Variants in COL26A1 observed in about 807,000 individuals in gnomAD.
COL26A1 encodes the protein collagen type XXVI alpha 1 chain.
Under a neutral mutation model 59.3 loss-of-function variants are expected in COL26A1, and 41 were observed. The observed-to-expected ratio is 0.69, with a 90% CI of 0.54 to 0.90. The LOEUF (loss-of-function observed/expected upper bound fraction) is 0.90. Ranked by LOEUF, COL26A1 falls within the 40% of genes least tolerant of loss-of-function variation. The pLI is 0.00. For synonymous variants in COL26A1, 266 were observed against 256.0 expected, an observed-to-expected ratio of 1.04 and a Z score of -0.37; for missense variants, 612 against 602.3, an observed-to-expected ratio of 1.02 and a Z score of -0.17.
chr7:101,362,957 G>A lies in COL26A1; in HGVS notation c.-76G>A, dbSNP rs1790929664. 2 of 1,444,320 alleles carry A rather than the reference G, an allele frequency of 1.4e-6. No homozygotes were observed. The highest frequency in any genetic ancestry group is 1.5e-5 in the African/African-American group (1 of 68,084). 89.5% of individuals were successfully genotyped at this position (1,444,320 alleles called of 1,614,324 possible). Reference sequence around the variant, plus strand: ...GCTGTGCTCCCGGCCGGTGCCGCGGGTTCGGTCCGGGCGCCGGTGCGCTCC... The same window carrying A: ...GCTGTGCTCCCGGCCGGTGCCGCGGATTCGGTCCGGGCGCCGGTGCGCTCC... On this transcript the variant is annotated 5_prime_UTR_variant, in exon 1 of 13. Transcript: ENST00000313669.
intron 1 of COL26A1, among the ~76,000 whole-genome samples, chr7:101,366,041 G>A (rs950995120): frequency 6.6e-6 from 1 of 152,206 alleles, no homozygotes; most frequent in African/African-American, 2.4e-5. Context: ...TAAGAACAGG[G>A]AGAGGATATA....
chr7:101,372,515 G>A (rs1791219039), intron 1 of COL26A1, among the ~76,000 whole-genome samples: 1 of 152,286 alleles, frequency 6.6e-6, no homozygotes, highest in East Asian at 1.9e-4. Flanking sequence ...TTAGGGAAAT[G>A]TTCTAGTGGA....
rs561899360 is a variant in COL26A1 at position 101,405,648 on chromosome 7, A to G, written c.159-14329A>G. On this transcript the variant is annotated intron_variant, in intron 1 of 12. Transcript: ENST00000313669. The stretch of plus-strand genomic sequence containing the variant: ...TTCTCACGTGGTCCTCCCTCACATG[A>G]TCCTCCCTAAGTGCCGACCCTATAG... Among the ~76,000 whole-genome samples, 9 of 152,082 alleles carry G rather than the reference A, an allele frequency of 5.9e-5. No homozygotes were observed. The South Asian group carries it at 1.9e-3, about 32-fold the overall frequency.
At chr7:101,462,817 C>T (rs1215338173) in intron 3 of COL26A1, among the ~76,000 whole-genome samples, 1 of 151,598 alleles carries the variant, frequency 6.6e-6, no homozygotes, top group Non-Finnish European at 1.5e-5. Context: ...TGGGGCCCCA[C>T]GCAGACCAGG....
At chr7:101,364,496 C>T (rs4729693) in intron 1 of COL26A1, among the ~76,000 whole-genome samples, 87,913 of 151,522 alleles carry the variant, frequency 0.58, 27,084 homozygotes, top group African/African-American at 0.8. Flanking sequence ...AGTATCTTTC[C>T]TTTAGCTGAA....
chr7:101,376,045 C>T (rs1791309169), intron 1 of COL26A1, among the ~76,000 whole-genome samples: 1 of 150,490 alleles, frequency 6.6e-6, no homozygotes, highest in Non-Finnish European at 1.5e-5. Context: ...ATTGTAGTCC[C>T]AGCTACTTGG....
chr7:101,533,106 G>GTGACA lies in COL26A1; in HGVS notation c.414_418dup (p.Ser140ThrfsTer2), dbSNP rs776578514. 1.9e-6 allele frequency: 3 copies of GTGACA among 1,608,070 alleles called. No individual in the cohort carries two copies. Among genetic ancestry groups the GTGACA allele is most frequent in the Non-Finnish European group, 2.5e-6 (3 of 1,178,090 alleles). On this transcript the variant is annotated frameshift_variant, in exon 4 of 13. Coordinates refer to ENST00000313669, the MANE Select transcript of COL26A1 (RefSeq NM_001278563.3). LOFTEE classifies it high-confidence loss of function. ...GAATGCATGAACTGCACCCGGCTCA[G>GTGACA]TGACATGAGTGAGCGACTGACCACA...
At chr7:101,367,562 G>A (rs2116997125) in intron 1 of COL26A1, among the ~76,000 whole-genome samples, 1 of 151,982 alleles carries the variant, frequency 6.6e-6, no homozygotes, top group South Asian at 2.1e-4. Flanking sequence ...CTACTTGGGA[G>A]GCTGAGGCAC....
chr7:101,543,984 CCTT>C lies in COL26A1; in HGVS notation c.605-11_605-9del, dbSNP rs774829366. 8 of 1,538,218 alleles carry C rather than the reference CCTT, an allele frequency of 5.2e-6. 1 individual carries two copies. The East Asian group carries it at 1.2e-4, about 23-fold the overall frequency. On this transcript the variant is annotated splice_polypyrimidine_tract_variant and intron_variant, in intron 5 of 12. Transcript: ENST00000313669. ...TCCACCATGTTCTGATGCCCTGTCTCCTTCTCTCCCCAGGGCCCCCGGGGCAGA... is the reference window on the plus strand; with the variant it reads ...TCCACCATGTTCTGATGCCCTGTCTCCTCTCCCCAGGGCCCCCGGGGCAGA...
At chr7:101,408,685 A>G (rs996278213) in intron 1 of COL26A1, among the ~76,000 whole-genome samples, 1 of 152,206 alleles carries the variant, frequency 6.6e-6, no homozygotes, top group African/African-American at 2.4e-5. Flanking sequence ...GAACCTCTAC[A>G]TCCCATCTGA....
At chr7:101,547,483 T>C (rs546073577) in intron 8 of COL26A1, among the ~76,000 whole-genome samples, 1 of 152,228 alleles carries the variant, frequency 6.6e-6, no homozygotes, top group Non-Finnish European at 1.5e-5. Context: ...GATGCCTGCA[T>C]GAGGCTGCCC....
chr7:101,519,167 A>G lies in COL26A1; in HGVS notation c.386-13915A>G, dbSNP rs150281563. Among the ~76,000 whole-genome samples, 870 of 152,352 alleles carry G rather than the reference A, an allele frequency of 5.7e-3. 1 individual carries two copies. Among genetic ancestry groups the G allele is most frequent in the Non-Finnish European group, 7.8e-3 (531 of 68,034 alleles). On this transcript the variant is annotated intron_variant, in intron 3 of 12. Coordinates refer to ENST00000313669, the MANE Select transcript of COL26A1 (RefSeq NM_001278563.3). The stretch of plus-strand genomic sequence containing the variant: ...AATCTGTCTGGCAGGTGACACAGGT[A>G]CAGATATGGCCCCAGGAGGTGTCAG...
At chr7:101,494,914 G>A (rs778344666) in intron 3 of COL26A1, among the ~76,000 whole-genome samples, 2 of 152,188 alleles carry the variant, frequency 1.3e-5, no homozygotes, top group African/African-American at 4.8e-5. Context: ...AGAGTTGGTC[G>A]TGATTCATCT....
chr7:101,397,089 T>C (rs1478130010), intron 1 of COL26A1, among the ~76,000 whole-genome samples: 3 of 152,256 alleles, frequency 2.0e-5, no homozygotes, highest in East Asian at 3.9e-4. Context: ...CTAGAGTCCC[T>C]GTGCAATGGG....
intron 3 of COL26A1, among the ~76,000 whole-genome samples, chr7:101,478,714 C>T (rs183125460): frequency 3.2e-4 from 49 of 152,136 alleles, no homozygotes; most frequent in African/African-American, 9.6e-4. Flanking sequence ...GTCAGGTATC[C>T]TGTATGCGTT....
chr7:101,543,947 G>T, intron 5 of COL26A1, 51 bp from the exon 6 acceptor site: 1 of 1,369,982 alleles, frequency 7.3e-7, no homozygotes, highest in South Asian at 1.3e-5. Context: ...TGGAGCCACT[G>T]GAGGCTGGGG....
intron 3 of COL26A1, among the ~76,000 whole-genome samples, chr7:101,515,433 G>C (rs1038246020): frequency 1.3e-5 from 2 of 152,038 alleles, no homozygotes; most frequent in African/African-American, 4.8e-5. Flanking sequence ...ACAGGTGTGT[G>C]CCACCACACT....
At chr7:101,447,614 C>A in intron 2 of COL26A1, 70 bp from the exon 3 acceptor site, 1 of 1,092,980 alleles carries the variant, frequency 9.1e-7, no homozygotes, top group Non-Finnish European at 1.4e-6. Flanking sequence ...CCTGGCCCAT[C>A]TTTGCAGCAG....
At chr7:101,506,589 C>A (rs1260316257) in intron 3 of COL26A1, among the ~76,000 whole-genome samples, 1 of 152,204 alleles carries the variant, frequency 6.6e-6, no homozygotes, top group African/African-American at 2.4e-5. Context: ...GGTACCAGCC[C>A]TGAGCTCTGG....
Sources: gnomAD v4.1 joint callset for allele counts (sites outside exome capture counted in the v4.1 genomes callset) on GRCh38, gnomAD v4.1.1 for gene constraint, MANE v1.5 for transcripts, NCBI Gene and HGNC (gene_info 2026-07-23, HGNC 2026-07-21) for gene names.